Variants in PTPRM observed in about 807,000 individuals in gnomAD.
PTPRM encodes receptor-type tyrosine-protein phosphatase mu.
PTPRM carries 47 observed loss-of-function variants against 186.7 expected under a neutral mutation model. The observed-to-expected ratio is 0.25, with a 90% CI of 0.20 to 0.32. The LOEUF (loss-of-function observed/expected upper bound fraction) is 0.32, where lower values mean the gene tolerates loss of function less well. PTPRM is among the 10% of genes least tolerant of loss of function. The pLI, the probability that PTPRM is intolerant of heterozygous loss-of-function variation, is 1.00. For missense variants in PTPRM, 1,494 were observed against 1,865.0 expected, an observed-to-expected ratio of 0.80 and a Z score of 3.66; for synonymous variants, 668 against 674.9, an observed-to-expected ratio of 0.99 and a Z score of 0.16.
chr18:7,711,992 A>G (rs189199798), intron 1 of PTPRM, among the ~76,000 whole-genome samples: 23 of 152,302 alleles, frequency 1.5e-4, no homozygotes, highest in Non-Finnish European at 2.2e-4. Flanking sequence ...ACTAAGGGTC[A>G]GACTGCCTCC....
intron 14 of PTPRM, among the ~76,000 whole-genome samples, chr18:8,215,233 C>A (rs17399904): frequency 6.6e-6 from 1 of 151,944 alleles, no homozygotes; most frequent in South Asian, 2.1e-4. Flanking sequence ...GGTGAAGCAC[C>A]ACATAAACAG....
At chr18:8,283,753 G>A (rs954986098) in intron 19 of PTPRM, among the ~76,000 whole-genome samples, 3 of 151,912 alleles carry the variant, frequency 2.0e-5, no homozygotes, top group Non-Finnish European at 4.4e-5. Flanking sequence ...TGAGTAGCTG[G>A]GACTATGGGC....
intron 1 of PTPRM, among the ~76,000 whole-genome samples, chr18:7,753,042 C>T (rs1409635274): frequency 2.0e-5 from 3 of 151,992 alleles, no homozygotes; most frequent in Non-Finnish European, 4.4e-5. Flanking sequence ...GAGGAGCAGT[C>T]TTGCAAACCT....
intron 19 of PTPRM, among the ~76,000 whole-genome samples, chr18:8,289,525 C>CATATATACACACAT (rs2095006070): frequency 1.3e-5 from 1 of 79,816 alleles, no homozygotes; most frequent in African/African-American, 6.3e-5. Context: ...TATATATATA[C>CATATATACACACAT]ATATATATAC....
chr18:8,294,333 G>A lies in PTPRM; in HGVS notation c.2755-2035G>A, dbSNP rs1485864259. Among the ~76,000 whole-genome samples, 5 of 152,308 alleles carry A rather than the reference G, an allele frequency of 3.3e-5. No individual in the cohort carries two copies. The East Asian group carries it at 7.7e-4, about 23-fold the overall frequency. ...TTTAATTGATGCACAGCTCCACAGGGCTGGGGAAGCCTCAGGAAACTAACA... is the reference window on the plus strand; with the variant it reads ...TTTAATTGATGCACAGCTCCACAGGACTGGGGAAGCCTCAGGAAACTAACA... On this transcript the variant is annotated intron_variant, in intron 19 of 32. Coordinates refer to ENST00000580170, the MANE Select transcript of PTPRM (RefSeq NM_001105244.2).
At chr18:7,989,170 G>A (rs146684143) in intron 7 of PTPRM, among the ~76,000 whole-genome samples, 105 of 151,956 alleles carry the variant, frequency 6.9e-4, no homozygotes, top group African/African-American at 2.5e-3. Flanking sequence ...ACCTGAGAGA[G>A]CAGCAATGTT....
intron 3 of PTPRM, among the ~76,000 whole-genome samples, chr18:7,894,970 A>G (rs1045819844): frequency 1.9e-4 from 29 of 152,332 alleles, no homozygotes; most frequent in Admixed American, 3.9e-4. Flanking sequence ...CAAATTTCAC[A>G]CTAGTAAGTA....
intron 17 of PTPRM, among the ~76,000 whole-genome samples, chr18:8,248,733 A>G (rs1000749388): frequency 6.6e-6 from 1 of 152,152 alleles, no homozygotes; most frequent in African/African-American, 2.4e-5. Flanking sequence ...CCAACATTCC[A>G]AAGTGTCTGT....
At chr18:7,806,233 G>A (rs2044228790) in intron 2 of PTPRM, among the ~76,000 whole-genome samples, 1 of 152,136 alleles carries the variant, frequency 6.6e-6, no homozygotes, top group East Asian at 1.9e-4. Context: ...AATTTGGTCT[G>A]CAAATTCAGA....
intron 24 of PTPRM, 72 bp downstream of exon 24, chr18:8,371,078 C>T (rs567618334): frequency 3.0e-5 from 26 of 858,516 alleles, no homozygotes; most frequent in South Asian, 2.6e-4. Flanking sequence ...ATTAACTTAC[C>T]TAGGATACTT....
In PTPRM at chr18:7,732,298, C is replaced by A. The variant is rs1234271274; in HGVS notation, c.74-41851C>A. Among the ~76,000 whole-genome samples, 3 of 152,032 alleles carry A rather than the reference C, an allele frequency of 2.0e-5. No individual in the cohort carries two copies. The East Asian group carries it at 5.9e-4, about 30-fold the overall frequency. ...GGGAAGGGCCAGTATGAGCTGGCTT[C>A]GAAGGTGGTGTCTTAAGCAGCCACA... is the stretch of plus-strand genomic sequence containing the variant. On this transcript the variant is annotated intron_variant, in intron 1 of 32. Transcript: ENST00000580170.
chr18:7,836,636 A>G (rs988792804), intron 2 of PTPRM, among the ~76,000 whole-genome samples: 3 of 152,130 alleles, frequency 2.0e-5, no homozygotes, highest in Admixed American at 1.3e-4. Flanking sequence ...TTTCTTTCTA[A>G]TCGAGGTACT....
chr18:7,963,365 A>G (rs559704122), intron 7 of PTPRM, among the ~76,000 whole-genome samples: 93 of 152,332 alleles, frequency 6.1e-4, no homozygotes, highest in Admixed American at 1.2e-3. Flanking sequence ...GCAGAGGGGT[A>G]TAGAATAGAA....
chr18:8,328,282 G>A (rs1391024340), intron 22 of PTPRM, among the ~76,000 whole-genome samples: 1 of 152,186 alleles, frequency 6.6e-6, no homozygotes, highest in African/African-American at 2.4e-5. Context: ...GAGCGTCAGT[G>A]TAACTTCTGC....
At chr18:8,403,921 T>G (rs1434428971) in intron 32 of PTPRM, 1 of 152,266 alleles carries the variant, frequency 6.6e-6, no homozygotes, top group African/African-American at 2.4e-5. Flanking sequence ...CATAGCCAAG[T>G]AATATTCCAC....
chr18:7,956,280 ATTTC>A (rs1346436672), intron 7 of PTPRM, among the ~76,000 whole-genome samples: 1 of 152,180 alleles, frequency 6.6e-6, no homozygotes, highest in East Asian at 1.9e-4. Flanking sequence ...TCAATGTTTC[ATTTC>A]TTTCTTAAGT....
At chr18:8,379,999 C>G (rs1015657661) in intron 28 of PTPRM, among the ~76,000 whole-genome samples, 1 of 152,202 alleles carries the variant, frequency 6.6e-6, no homozygotes, top group South Asian at 2.1e-4. Flanking sequence ...GTTAAATTTT[C>G]TCCATCAAGA....
intron 5 of PTPRM, 31 bp from the exon 6 acceptor site, chr18:7,949,150 C>A (rs1568059298): frequency 6.5e-7 from 1 of 1,535,168 alleles, no homozygotes; most frequent in African/African-American, 1.4e-5. Flanking sequence ...TATATTGCTT[C>A]TTTTTGTCCT....
At chr18:8,001,983 A>G (rs953471610) in intron 7 of PTPRM, among the ~76,000 whole-genome samples, 2 of 152,242 alleles carry the variant, frequency 1.3e-5, no homozygotes, top group Non-Finnish European at 2.9e-5. Flanking sequence ...AGCTAATGCC[A>G]TTAAGTTTCA....
Sources: allele counts gnomAD v4.1 joint callset (sites outside exome capture counted in the v4.1 genomes callset), GRCh38; gene constraint gnomAD v4.1.1; transcripts MANE v1.5; gene names NCBI Gene and HGNC (gene_info 2026-07-23, HGNC 2026-07-21).